Variants in GC observed in about 807,000 individuals in gnomAD.
The protein encoded by GC is GC vitamin D binding protein.
Under a neutral mutation model 56.7 loss-of-function variants are expected in GC, and 43 were observed. That is an observed-to-expected ratio of 0.76 (90% CI 0.59 to 0.98). The LOEUF is 0.98. Among genes scored for constraint, GC ranks in the 50% least tolerant of loss-of-function variants. The pLI is 0.00. For synonymous variants in GC, 216 were observed against 202.7 expected, an observed-to-expected ratio of 1.07 and a Z score of -0.56; for missense variants, 529 against 545.9, an observed-to-expected ratio of 0.97 and a Z score of 0.31.
intron 1 of GC, among the ~76,000 whole-genome samples, chr4:71,801,092 C>A (rs1450180661): frequency 1.3e-5 from 2 of 152,038 alleles, no homozygotes; most frequent in Admixed American, 1.3e-4. Flanking sequence ...ATGATAAGCG[C>A]CTCATATCCA....
chr4:71,757,152 G>T (rs904357445), intron 7 of GC, among the ~76,000 whole-genome samples: 1 of 151,892 alleles, frequency 6.6e-6, no homozygotes, highest in Non-Finnish European at 1.5e-5. Context: ...TAGATAAAAC[G>T]ACAACAACTA....
intron 1 of GC, among the ~76,000 whole-genome samples, chr4:71,795,541 A>T (rs1023632685): frequency 7.2e-5 from 11 of 152,230 alleles, no homozygotes; most frequent in Admixed American, 5.2e-4. Flanking sequence ...ATTTTGAGCC[A>T]ATGTGTGTCT....
chr4:71,755,285 C>A (rs908342956), intron 8 of GC, among the ~76,000 whole-genome samples, 178 bp from the exon 9 acceptor site: 8 of 151,898 alleles, frequency 5.3e-5, no homozygotes, highest in African/African-American at 1.7e-4. Flanking sequence ...GCCTCAGCCT[C>A]CCGAGTACCT....
chr4:71,781,375 T>TA (rs1272721525), intron 1 of GC, among the ~76,000 whole-genome samples: 4 of 150,424 alleles, frequency 2.7e-5, no homozygotes, highest in Non-Finnish European at 5.9e-5. Context: ...CCCTAGAACT[T>TA]AAAGTATAAC....
In GC at chr4:71,746,214, G is replaced by A. The variant is rs747163730; in HGVS notation, c.1396-9C>T. 1 of 1,235,732 alleles carries A rather than the reference G, an allele frequency of 8.1e-7. No homozygotes were observed. Among genetic ancestry groups the A allele is most frequent in the Non-Finnish European group, 1.2e-6 (1 of 842,898 alleles). 76.5% of individuals were successfully genotyped at this position (1,235,732 alleles called of 1,614,324 possible). ...TTCAATTCAGCATCAATCTGATAAT[G>A]AAAAAAGAATGTTATATAACTTATG... On this transcript the variant is annotated splice_polypyrimidine_tract_variant and intron_variant, in intron 11 of 12. Coordinates refer to ENST00000273951, the MANE Select transcript of GC (RefSeq NM_000583.4).
chr4:71,794,687 T>C (rs1309606088), intron 1 of GC, among the ~76,000 whole-genome samples: 1 of 152,188 alleles, frequency 6.6e-6, no homozygotes, highest in Non-Finnish European at 1.5e-5. Context: ...AGTTATTCCT[T>C]GCCTTCTGCT....
chr4:71,745,682 C>A (rs192009333), intron 12 of GC, among the ~76,000 whole-genome samples: 136 of 152,198 alleles, frequency 8.9e-4, no homozygotes, highest in East Asian at 4.2e-3. Context: ...CTTCATCTGG[C>A]ATTTTTTAAT....
intron 1 of GC, among the ~76,000 whole-genome samples, chr4:71,775,615 G>A (rs749794621): frequency 6.6e-6 from 1 of 151,722 alleles, no homozygotes; most frequent in Admixed American, 6.6e-5. Context: ...TGGACATGAC[G>A]CTGAAATTAC....
At chr4:71,744,875 A>G (rs1741310485) in intron 12 of GC, among the ~76,000 whole-genome samples, 1 of 152,218 alleles carries the variant, frequency 6.6e-6, no homozygotes, top group Non-Finnish European at 1.5e-5. Context: ...AAACTATTTT[A>G]ACTCTAGAAT....
intron 1 of GC, among the ~76,000 whole-genome samples, chr4:71,779,336 G>A (rs1484318328): frequency 1.3e-5 from 2 of 151,832 alleles, no homozygotes; most frequent in African/African-American, 4.8e-5. Context: ...AGAAGATAAT[G>A]GACTGGTAGG....
chr4:71,760,818 C>A (rs1030747550), intron 6 of GC, among the ~76,000 whole-genome samples: 1 of 152,134 alleles, frequency 6.6e-6, no homozygotes, highest in South Asian at 2.1e-4. Context: ...TCTTTGCCTG[C>A]GACCATCCAT....
At chr4:71,760,840 T>G (rs182292404) in intron 6 of GC, among the ~76,000 whole-genome samples, 2 of 152,142 alleles carry the variant, frequency 1.3e-5, no homozygotes, top group Admixed American at 1.3e-4. Flanking sequence ...TAAGATATGA[T>G]TTGCTCCTCC....
At chr4:71,772,835 AC>A (rs1742383392) in intron 1 of GC, among the ~76,000 whole-genome samples, 1 of 152,114 alleles carries the variant, frequency 6.6e-6, no homozygotes, top group Non-Finnish European at 1.5e-5. Flanking sequence ...CAGGTGAGCT[AC>A]CCAAAATGTA....
chr4:71,767,878 T>G (rs2149301590), intron 3 of GC, among the ~76,000 whole-genome samples: 1 of 152,092 alleles, frequency 6.6e-6, no homozygotes, highest in East Asian at 1.9e-4. Flanking sequence ...TCCTCATAGC[T>G]TAGCTCCCAC....
At chr4:71,749,553 A>C (rs898631619) in intron 11 of GC, among the ~76,000 whole-genome samples, 1 of 152,154 alleles carries the variant, frequency 6.6e-6, no homozygotes, top group Non-Finnish European at 1.5e-5. Context: ...TCTCAGAGAA[A>C]ATTTTTCTGG....
chr4:71,769,485 C>T (rs1036534264), intron 1 of GC, 85 bp from the exon 2 acceptor site: 12 of 877,548 alleles, frequency 1.4e-5, no homozygotes, highest in African/African-American at 8.3e-5. Flanking sequence ...TGATCTTCCA[C>T]GTGGCCTACA....
rs78676266 is a variant in GC, at chr4:71,758,553, T to C, written c.702-382A>G. The stretch of plus-strand genomic sequence containing the variant: ...AGTTGTAAAAGTGTGTTTTATAAAT[T>C]CTTTTAGAAACTATAGAGACCTGTA... On this transcript the variant is annotated intron_variant, in intron 6 of 12. Transcript: ENST00000273951. Among the ~76,000 whole-genome samples, 49 of 152,306 alleles carry C rather than the reference T, an allele frequency of 3.2e-4. No individual in the cohort carries two copies. In the East Asian group the frequency reaches 8.5e-3, roughly 26 times the overall value.
At chr4:71,793,470 G>T (rs1578323220) in intron 1 of GC, among the ~76,000 whole-genome samples, 2 of 151,940 alleles carry the variant, frequency 1.3e-5, no homozygotes, top group East Asian at 3.9e-4. Context: ...TATTACTGGT[G>T]TATAGGAATG....
At chr4:71,786,137 T>A (rs144454396), upstream of GC, 6 of 151,976 alleles carry the variant, frequency 3.9e-5, no homozygotes, top group East Asian at 1.2e-3. Flanking sequence ...AACATCTCAT[T>A]TAGATGCCCT....
Sources: gnomAD v4.1 joint callset for allele counts (sites outside exome capture counted in the v4.1 genomes callset) on GRCh38, gnomAD v4.1.1 for gene constraint, MANE v1.5 for transcripts, NCBI Gene and HGNC (gene_info 2026-07-23, HGNC 2026-07-21) for gene names.